Variants in SIPA1L3 observed in about 807,000 individuals in gnomAD.
SIPA1L3 encodes signal-induced proliferation-associated 1-like protein 3.
Under a neutral mutation model 150.1 loss-of-function variants are expected in SIPA1L3, and 59 were observed. That is an observed-to-expected ratio of 0.39 (90% CI 0.32 to 0.49). The LOEUF is 0.49. SIPA1L3 is among the 20% of genes least tolerant of loss of function. SIPA1L3 has a pLI of 0.86. For synonymous variants in SIPA1L3, 1,070 were observed against 1,077.6 expected, an observed-to-expected ratio of 0.99 and a Z score of 0.14; for missense variants, 2,211 against 2,489.5, an observed-to-expected ratio of 0.89 and a Z score of 2.38.
At chr19:37,911,484 G>C (rs2046377078) in intron 1 of SIPA1L3, among the ~76,000 whole-genome samples, 1 of 151,662 alleles carries the variant, frequency 6.6e-6, no homozygotes, top group African/African-American at 2.4e-5. Flanking sequence ...CCCCACTGCT[G>C]GTCCTTTAGG....
chr19:38,057,822 T>A (rs970554591), intron 2 of SIPA1L3, among the ~76,000 whole-genome samples: 10 of 122,676 alleles, frequency 8.2e-5, no homozygotes, highest in African/African-American at 2.7e-4. Flanking sequence ...AATTTTTTTT[T>A]ATTTTTTATT....
chr19:38,011,450 C>T (rs772339980), intron 1 of SIPA1L3, among the ~76,000 whole-genome samples: 6 of 152,062 alleles, frequency 3.9e-5, no homozygotes, highest in African/African-American at 1.2e-4. Flanking sequence ...CACTCCAGCC[C>T]GAACAGTGGA....
At chr19:37,972,753 T>C (rs1192280250) in intron 1 of SIPA1L3, among the ~76,000 whole-genome samples, 2 of 152,198 alleles carry the variant, frequency 1.3e-5, no homozygotes, top group Admixed American at 1.3e-4. Context: ...CTGTGGTTTC[T>C]GTTGGTGACA....
chr19:37,937,158 T>C lies in SIPA1L3; in HGVS notation c.-379+29800T>C, dbSNP rs182418854. Among the ~76,000 whole-genome samples the C allele has an allele frequency of 8.4e-3, 1,272 of 152,270 alleles. 8 individuals are homozygous for C. The highest frequency in any genetic ancestry group is 0.014 in the Non-Finnish European group (975 of 68,014). ...CATTACAGGCGTGAGCCACCATACC[T>C]GGCCTGTATTAACTTTTTAAAGATG... On this transcript the variant is annotated intron_variant, in intron 1 of 21. Coordinates refer to ENST00000222345, the MANE Select transcript of SIPA1L3 (RefSeq NM_015073.3).
intron 4 of SIPA1L3, among the ~76,000 whole-genome samples, chr19:38,096,902 G>C (rs532674439): frequency 6.6e-6 from 1 of 152,274 alleles, no homozygotes; most frequent in Middle Eastern, 3.4e-3. Flanking sequence ...CTTCTGTGAG[G>C]GTTCATAACA....
intron 2 of SIPA1L3, among the ~76,000 whole-genome samples, chr19:38,060,979 A>ACC (rs1969434395): frequency 6.6e-6 from 1 of 152,208 alleles, no homozygotes; most frequent in Non-Finnish European, 1.5e-5. Context: ...GGCGTGAGCC[A>ACC]CCTCACCCAG....
intron 3 of SIPA1L3, among the ~76,000 whole-genome samples, chr19:38,084,439 C>G (rs138171893): frequency 1.3e-5 from 2 of 151,594 alleles, no homozygotes; most frequent in East Asian, 1.9e-4. Flanking sequence ...CTCAGAAGCC[C>G]GGTCCAACTA....
chr19:38,101,129 G>A lies in SIPA1L3; in HGVS notation c.1932G>A (p.Glu644=), dbSNP rs1970492417. 1 of 1,610,796 alleles carries A rather than the reference G, an allele frequency of 6.2e-7. No individual in the cohort carries two copies. The highest frequency in any genetic ancestry group is 8.5e-7 in the Non-Finnish European group (1 of 1,179,062). The change falls in exon 6 of 22, where the codon GAG becomes GAA. Residue 644 remains glutamate (E), a synonymous_variant. Transcript: ENST00000222345. Reference sequence around the variant, plus strand: ...CCGAGGAGGAGATGTACAACAATGAGGAGGCCGGCCCCGCCTTTGAGGAGT... The same window carrying A: ...CCGAGGAGGAGATGTACAACAATGAAGAGGCCGGCCCCGCCTTTGAGGAGT... ...QSSEEEMYNN[E]EAGPAFEEFL...
intron 1 of SIPA1L3, among the ~76,000 whole-genome samples, chr19:37,958,619 G>C (rs962693736): frequency 1.3e-5 from 2 of 152,088 alleles, no homozygotes; most frequent in Non-Finnish European, 2.9e-5. Flanking sequence ...GGTTTCTTAG[G>C]TGAGAACAAA....
intron 12 of SIPA1L3, among the ~76,000 whole-genome samples, chr19:38,147,340 T>C (rs913743351): frequency 2.0e-5 from 3 of 152,160 alleles, no homozygotes; most frequent in Non-Finnish European, 4.4e-5. Flanking sequence ...GCTGGGATTA[T>C]AGGCATGAGC....
intron 1 of SIPA1L3, among the ~76,000 whole-genome samples, chr19:37,989,775 C>G (rs1025294298): frequency 4.6e-5 from 7 of 151,312 alleles, no homozygotes; most frequent in African/African-American, 1.5e-4. Context: ...AAGCGATTCT[C>G]CTGCCTCAGC....
At chr19:38,043,981 C>T (rs1025586863) in intron 2 of SIPA1L3, among the ~76,000 whole-genome samples, 1 of 152,208 alleles carries the variant, frequency 6.6e-6, no homozygotes, top group Non-Finnish European at 1.5e-5. Context: ...GAAGCTCCTG[C>T]TGTGGTCCAT....
At position 38,198,424 on chromosome 19, in the gene SIPA1L3, G is replaced by A. The variant is rs1484555984; in HGVS notation, c.4876G>A (p.Gly1626Arg). ...AGCCTCGGAGCTCTCGCTGGCTGAT[G>A]GGCGGGACCGCCCCCTGCGGCGCCT... ...ISASELSLAD[G>R]RDRPLRRLDP... The change falls in exon 19 of 22, where the codon GGG becomes AGG. Residue 1626 changes from glycine (G) to arginine (R), a missense_variant. Gly to Arg is a moderately radical substitution (Grantham distance 125). Coordinates refer to ENST00000222345, the MANE Select transcript of SIPA1L3 (RefSeq NM_015073.3). The A allele has an allele frequency of 1.9e-6, 3 of 1,591,756 alleles. No homozygotes were observed. The South Asian group carries it at 3.4e-5, about 18-fold the overall frequency.
intron 14 of SIPA1L3, 102 bp downstream of exon 14, chr19:38,162,473 C>G: frequency 1.2e-6 from 1 of 824,046 alleles, no homozygotes. Flanking sequence ...TGCCACCTTC[C>G]ACTCAGCAGA....
chr19:38,135,162 A>G (rs2035888940), intron 10 of SIPA1L3, among the ~76,000 whole-genome samples: 1 of 152,210 alleles, frequency 6.6e-6, no homozygotes, highest in Admixed American at 6.5e-5. Flanking sequence ...AGCTATTAAT[A>G]CACGGGCATG....
rs113214677 is a variant in SIPA1L3 at position 37,955,377 on chromosome 19, GC to G, written c.-379+48020del. On this transcript the variant is annotated intron_variant, in intron 1 of 21. Transcript: ENST00000222345. ...TTGCATTCCAGCCTGGGCAACAAGA[GC>G]AAAACTCTGTCTCAAAAAAAAAAAA... 4.5e-3 allele frequency among the ~76,000 whole-genome samples: 639 copies of G among 142,398 alleles called. 1 individual carries two copies. Among genetic ancestry groups the G allele is most frequent in the African/African-American group, 0.016 (604 of 36,830 alleles). The allele number at this position is 142,398 out of a possible 152,430, so 93.4% of individuals were successfully genotyped here.
chr19:38,098,002 A>C (rs1001217255), intron 4 of SIPA1L3, among the ~76,000 whole-genome samples: 9 of 152,242 alleles, frequency 5.9e-5, no homozygotes, highest in Non-Finnish European at 1.0e-4. Context: ...TGGATAAGGC[A>C]CGTAACCTCT....
At position 38,203,839 on chromosome 19, in the gene SIPA1L3, C is replaced by G. The variant is rs1378025620; in HGVS notation, c.5121-288C>G. On this transcript the variant is annotated intron_variant, in intron 20 of 21. Transcript: ENST00000222345. Reference sequence around the variant, plus strand: ...ACGAAGAAGGGGTCCTCCCTGAAGTCACATGCACGGCCCAGCCTCAGGGAA... The same window carrying G: ...ACGAAGAAGGGGTCCTCCCTGAAGTGACATGCACGGCCCAGCCTCAGGGAA... 64 of 409,324 alleles carry G rather than the reference C, an allele frequency of 1.6e-4. 1 individual carries two copies. The Admixed American group carries it at 2.2e-3, about 14-fold the overall frequency. 25.4% of individuals were successfully genotyped at this position (409,324 alleles called of 1,614,324 possible).
intron 1 of SIPA1L3, among the ~76,000 whole-genome samples, chr19:37,946,220 G>A (rs1311474950): frequency 6.6e-6 from 1 of 151,976 alleles, no homozygotes; most frequent in African/African-American, 2.4e-5. Flanking sequence ...TATTCCGGAA[G>A]GGTCCAGTAC....
Sources: allele counts gnomAD v4.1 joint callset (sites outside exome capture counted in the v4.1 genomes callset), GRCh38; gene constraint gnomAD v4.1.1; transcripts MANE v1.5; gene names NCBI Gene and HGNC (gene_info 2026-07-23, HGNC 2026-07-21).